SHISA6: variants seen among roughly 807,000 people sequenced by gnomAD.
SHISA6 encodes protein shisa-6.
SHISA6 carries 22 observed loss-of-function variants against 47.9 expected under a neutral mutation model. That is an observed-to-expected ratio of 0.46 (90% CI 0.33 to 0.66). The LOEUF is 0.66. Ranked by LOEUF, SHISA6 falls within the 30% of genes least tolerant of loss-of-function variation. SHISA6 has a pLI of 0.02. For missense variants in SHISA6, 680 were observed against 764.6 expected (o/e 0.89, Z 1.30); for synonymous variants, 388 against 337.8 (o/e 1.15, Z -1.63).
intron 3 of SHISA6, among the ~76,000 whole-genome samples, chr17:11,495,145 C>G (rs563126818): frequency 6.6e-6 from 1 of 152,278 alleles, no homozygotes; most frequent in Admixed American, 6.5e-5. Context: ...TAGACCCAAA[C>G]CTCGGGGTGA....
intron 3 of SHISA6, among the ~76,000 whole-genome samples, chr17:11,532,439 A>G (rs1291567881): frequency 6.6e-6 from 1 of 152,212 alleles, no homozygotes; most frequent in Non-Finnish European, 1.5e-5. Context: ...TCTCTCTCAG[A>G]GTGTCCAACC....
chr17:11,243,412 T>G (rs1363321697), intron 1 of SHISA6, among the ~76,000 whole-genome samples: 1 of 151,956 alleles, frequency 6.6e-6, no homozygotes, highest in Non-Finnish European at 1.5e-5. Flanking sequence ...GTGCTGGAAT[T>G]GGAGTGATTC....
At chr17:11,540,529 C>T (rs2071824835) in intron 3 of SHISA6, among the ~76,000 whole-genome samples, 1 of 152,184 alleles carries the variant, frequency 6.6e-6, no homozygotes, top group African/African-American at 2.4e-5. Context: ...TTCTACTAGT[C>T]CTGGAGCACT....
At chr17:11,370,220 G>A (rs201432649) in intron 2 of SHISA6, among the ~76,000 whole-genome samples, 12 of 152,232 alleles carry the variant, frequency 7.9e-5, no homozygotes, top group East Asian at 5.8e-4. Flanking sequence ...TACATGAGAG[G>A]TATGGTTTTC....
intron 2 of SHISA6, among the ~76,000 whole-genome samples, chr17:11,346,243 TAAAA>T (rs892049275): frequency 1.3e-5 from 2 of 152,094 alleles, no homozygotes; most frequent in African/African-American, 4.8e-5. Flanking sequence ...AGACAAAACT[TAAAA>T]AAGGAAAAAT....
chr17:11,246,615 A>C (rs1231571915), intron 1 of SHISA6, among the ~76,000 whole-genome samples: 1 of 152,214 alleles, frequency 6.6e-6, no homozygotes, highest in East Asian at 1.9e-4. Flanking sequence ...AAAAATAGCG[A>C]AAGGAGGAAA....
chr17:11,303,077 C>G (rs562213186), intron 2 of SHISA6, among the ~76,000 whole-genome samples: 8 of 151,702 alleles, frequency 5.3e-5, no homozygotes, highest in African/African-American at 1.9e-4. Context: ...CAGTGAGCAG[C>G]CTATGTGCTT....
chr17:11,333,629 C>T (rs190601945), intron 2 of SHISA6, among the ~76,000 whole-genome samples: 23 of 152,240 alleles, frequency 1.5e-4, no homozygotes, highest in Admixed American at 1.4e-3. Context: ...ATTCTCATGC[C>T]TCAGCCTCCC....
intron 2 of SHISA6, among the ~76,000 whole-genome samples, chr17:11,322,187 A>G (rs1910738543): frequency 6.6e-6 from 1 of 152,158 alleles, no homozygotes; most frequent in African/African-American, 2.4e-5. Flanking sequence ...TATTGGTGAC[A>G]TAAGTTTTAC....
chr17:11,449,686 A>G (rs1915331513), intron 3 of SHISA6, among the ~76,000 whole-genome samples: 1 of 152,204 alleles, frequency 6.6e-6, no homozygotes, highest in Non-Finnish European at 1.5e-5. Flanking sequence ...CTTAACAAAA[A>G]GATACATTCA....
At chr17:11,452,269 G>A (rs1466054844) in intron 3 of SHISA6, among the ~76,000 whole-genome samples, 5 of 152,216 alleles carry the variant, frequency 3.3e-5, no homozygotes, top group Non-Finnish European at 7.3e-5. Flanking sequence ...TATGTGTTCT[G>A]TATGTATCCC....
chr17:11,363,931 T>C (rs1912366907), intron 2 of SHISA6, among the ~76,000 whole-genome samples: 2 of 152,314 alleles, frequency 1.3e-5, no homozygotes, highest in South Asian at 4.1e-4. Flanking sequence ...GAGGTGCTAC[T>C]CTCAGTGCAC....
At chr17:11,278,159 G>A (rs953798742) in intron 2 of SHISA6, among the ~76,000 whole-genome samples, 12 of 152,170 alleles carry the variant, frequency 7.9e-5, no homozygotes, top group Admixed American at 5.2e-4. Flanking sequence ...CAGTTATGTC[G>A]CTAGATGGAC....
At chr17:11,488,331 T>C (rs1162071942) in intron 3 of SHISA6, among the ~76,000 whole-genome samples, 1 of 152,104 alleles carries the variant, frequency 6.6e-6, no homozygotes, top group Non-Finnish European at 1.5e-5. Flanking sequence ...ATCCTTGTAT[T>C]ATAGATGAGC....
At chr17:11,463,722 C>T (rs1290439541) in intron 3 of SHISA6, among the ~76,000 whole-genome samples, 8 of 152,264 alleles carry the variant, frequency 5.3e-5, no homozygotes, top group East Asian at 3.9e-4. Context: ...ACAGCTACAT[C>T]GTACTTTATG....
chr17:11,380,554 A>C (rs1041372932), intron 3 of SHISA6: 2 of 152,232 alleles, frequency 1.3e-5, no homozygotes, highest in Admixed American at 1.3e-4. Context: ...ACTCACTAAA[A>C]GATACATTCT....
chr17:11,290,134 T>C (rs1264276199), intron 2 of SHISA6: 3 of 152,154 alleles, frequency 2.0e-5, no homozygotes, highest in Admixed American at 6.5e-5. Context: ...GTTCATATTT[T>C]GTTATTAAAG....
At chr17:11,259,674 A>G (rs1428503654) in intron 1 of SHISA6, among the ~76,000 whole-genome samples, 1 of 152,286 alleles carries the variant, frequency 6.6e-6, no homozygotes, top group Non-Finnish European at 1.5e-5. Context: ...ACTGACAACA[A>G]TAACCAAGGT....
At position 11,558,030 on chromosome 17, in the gene SHISA6, C is replaced by T. The variant is rs761573372; in HGVS notation, c.1382C>T (p.Pro461Leu). ...CACTCCCAGGACCCGCTGCTGTCCCCGGAGCGGACGGCCTTTCCCGAGCAG... is the reference window on the plus strand; with the variant it reads ...CACTCCCAGGACCCGCTGCTGTCCCTGGAGCGGACGGCCTTTCCCGAGCAG... ...RLHSQDPLLS[P>L]ERTAFPEQSL... The change falls in exon 6 of 6, where the codon CCG (proline) becomes CTG (leucine). Residue 461 changes from proline to leucine, a missense_variant. Around this residue, in one of 2 missense-constraint regions of SHISA6, gnomAD observed 559 missense variants for 674.1 expected, o/e 0.83. Coordinates refer to ENST00000441885, the MANE Select transcript of SHISA6 (RefSeq NM_207386.4). The T allele has an allele frequency of 4.5e-6, 7 of 1,551,510 alleles. No homozygotes were observed. The highest frequency in any genetic ancestry group is 4.9e-5 in the East Asian group (2 of 40,924).
Sources: gnomAD v4.1 joint callset for allele counts (sites outside exome capture counted in the v4.1 genomes callset) on GRCh38, gnomAD v4.1.1 for gene constraint, gnomAD v4.1.1 regional missense constraint, MANE v1.5 for transcripts, NCBI Gene and HGNC (gene_info 2026-07-23, HGNC 2026-07-21) for gene names.